The following TBC1D5 variants were observed in gnomAD, a reference collection of about 807,000 sequenced individuals.
TBC1D5 encodes the protein TBC1 domain family, member 5.
In TBC1D5, 75 loss-of-function variants were observed where a neutral mutation model predicts 100.3. The observed-to-expected ratio is 0.75, with a 90% CI of 0.62 to 0.91. TBC1D5 has a LOEUF of 0.91. TBC1D5 is among the 40% of genes least tolerant of loss of function. The pLI is 0.00. For missense variants in TBC1D5, 910 were observed against 942.4 expected, an observed-to-expected ratio of 0.97 and a Z score of 0.45; for synonymous variants, 323 against 325.6, an observed-to-expected ratio of 0.99 and a Z score of 0.09.
At chr3:17,557,490 C>T (rs2096529762) in intron 2 of TBC1D5, among the ~76,000 whole-genome samples, 1 of 152,198 alleles carries the variant, frequency 6.6e-6, no homozygotes, top group Admixed American at 6.5e-5. Context: ...TGCTTGCTTT[C>T]ATTGCAACTT....
At chr3:17,385,618 T>C (rs1250174901) in intron 8 of TBC1D5, among the ~76,000 whole-genome samples, 2 of 152,072 alleles carry the variant, frequency 1.3e-5, no homozygotes, top group African/African-American at 4.8e-5. Flanking sequence ...TTAAGGTCCA[T>C]TTTACATTCA....
intron 8 of TBC1D5, among the ~76,000 whole-genome samples, chr3:17,396,040 T>TC (rs2093495077): frequency 6.6e-6 from 1 of 152,012 alleles, no homozygotes; most frequent in Non-Finnish European, 1.5e-5. Context: ...AAATCTGTTT[T>TC]CCCCCCTCTT....
At position 17,162,536 on chromosome 3, in the gene TBC1D5, A is replaced by C. The variant is rs540339406; in HGVS notation, c.2095-1280T>G. ...AACATAAACGTAATTGGCCTTTAGG[A>C]TCACAGAGCTGCAACAGGCCTTGAG... On this transcript the variant is annotated intron_variant, in intron 21 of 21. Transcript: ENST00000253692. 1.4e-3 allele frequency among the ~76,000 whole-genome samples: 212 copies of C among 152,352 alleles called. 3 individuals carry two copies. Among genetic ancestry groups the C allele is most frequent in the South Asian group, 2.1e-3 (10 of 4,830 alleles).
intron 16 of TBC1D5, among the ~76,000 whole-genome samples, chr3:17,256,447 T>C (rs1420318618): frequency 6.8e-6 from 1 of 147,490 alleles, no homozygotes; most frequent in East Asian, 2.0e-4. Flanking sequence ...TATAAACTCA[T>C]TGTGTTATAT....
chr3:17,685,357 G>T (rs1303835495), intron 1 of TBC1D5, among the ~76,000 whole-genome samples: 1 of 151,814 alleles, frequency 6.6e-6, no homozygotes. Context: ...ATAATTTAAA[G>T]GATGTCGTGA....
chr3:17,424,690 T>A (rs570477034), intron 4 of TBC1D5, among the ~76,000 whole-genome samples: 5 of 152,296 alleles, frequency 3.3e-5, no homozygotes, highest in Admixed American at 2.6e-4. Context: ...ATAATTATAC[T>A]GGTGCCTTAG....
At chr3:17,176,474 A>G (rs1444742768) in intron 19 of TBC1D5, among the ~76,000 whole-genome samples, 1 of 152,240 alleles carries the variant, frequency 6.6e-6, no homozygotes, top group East Asian at 1.9e-4. Context: ...AAGTATGACT[A>G]TAATTGTTAG....
chr3:17,175,025 T>C (rs538375618), intron 19 of TBC1D5, among the ~76,000 whole-genome samples: 5 of 152,348 alleles, frequency 3.3e-5, no homozygotes, highest in Admixed American at 1.3e-4. Context: ...CAGATGAAGA[T>C]TTAAGAGATA....
chr3:17,197,505 T>C (rs538141910), intron 18 of TBC1D5, among the ~76,000 whole-genome samples: 1 of 152,228 alleles, frequency 6.6e-6, no homozygotes, highest in Admixed American at 6.5e-5. Context: ...ACCTCCCAAA[T>C]AGCTAGAATT....
chr3:17,162,892 G>C (rs2066210277), intron 21 of TBC1D5, among the ~76,000 whole-genome samples: 1 of 152,176 alleles, frequency 6.6e-6, no homozygotes, highest in Admixed American at 6.5e-5. Flanking sequence ...TAGGACAGTT[G>C]TCCTGCACTG....
At chr3:17,175,745 A>G (rs1378159534) in intron 19 of TBC1D5, among the ~76,000 whole-genome samples, 2 of 152,228 alleles carry the variant, frequency 1.3e-5, no homozygotes, top group Non-Finnish European at 2.9e-5. Context: ...AACTGGGCTT[A>G]AGATAAATAT....
chr3:17,185,019 C>A, intron 19 of TBC1D5, 90 bp downstream of exon 20: 1 of 1,099,616 alleles, frequency 9.1e-7, no homozygotes, highest in Non-Finnish European at 1.3e-6. Flanking sequence ...TTCATGTAAA[C>A]AGCTTAGCAC....
chr3:17,384,355 A>G (rs2093067594), intron 8 of TBC1D5, among the ~76,000 whole-genome samples: 1 of 152,084 alleles, frequency 6.6e-6, no homozygotes, highest in Admixed American at 6.6e-5. Flanking sequence ...TTTTAGGATA[A>G]GAATGTGATT....
intron 1 of TBC1D5, among the ~76,000 whole-genome samples, chr3:17,718,613 A>C (rs1209931437): frequency 6.6e-6 from 1 of 152,092 alleles, no homozygotes; most frequent in Non-Finnish European, 1.5e-5. Flanking sequence ...ATAAAATAAA[A>C]TAATTTACCA....
chr3:17,610,303 G>C (rs1469307140), intron 2 of TBC1D5, among the ~76,000 whole-genome samples: 1 of 151,836 alleles, frequency 6.6e-6, no homozygotes, highest in Non-Finnish European at 1.5e-5. Flanking sequence ...TCTCACCTCA[G>C]CCTCCCAAGT....
intron 1 of TBC1D5, among the ~76,000 whole-genome samples, chr3:17,737,175 T>A (rs1339194160): frequency 6.6e-6 from 1 of 152,128 alleles, no homozygotes; most frequent in Non-Finnish European, 1.5e-5. Flanking sequence ...CGTTTTTCTC[T>A]GATGTATCTT....
At chr3:17,476,547 T>G (rs1319187066) in intron 3 of TBC1D5, among the ~76,000 whole-genome samples, 1 of 149,998 alleles carries the variant, frequency 6.7e-6, no homozygotes, top group Non-Finnish European at 1.5e-5. Context: ...AAAATGTGCA[T>G]GTTTTTTTTC....
chr3:17,552,308 T>C (rs2096481564), intron 2 of TBC1D5, among the ~76,000 whole-genome samples: 1 of 152,040 alleles, frequency 6.6e-6, no homozygotes. Context: ...TGCTTCAAAA[T>C]CATAATTCAA....
At chr3:17,236,521 C>G (rs1038930706) in intron 17 of TBC1D5, among the ~76,000 whole-genome samples, 1 of 148,718 alleles carries the variant, frequency 6.7e-6, no homozygotes, top group Non-Finnish European at 1.5e-5. Flanking sequence ...GAGTCTGGCT[C>G]TGTTGCCAGG....
Sources: allele counts gnomAD v4.1 joint callset (sites outside exome capture counted in the v4.1 genomes callset), GRCh38; gene constraint gnomAD v4.1.1; transcripts MANE v1.5; gene names NCBI Gene and HGNC (gene_info 2026-07-23, HGNC 2026-07-21).